The following BDH1 variants were observed in gnomAD, a reference collection of about 807,000 sequenced individuals.
BDH1 encodes the protein 3-hydroxybutyrate dehydrogenase 1.
In BDH1, 30 loss-of-function variants were observed where a neutral mutation model predicts 33.1. That is an observed-to-expected ratio of 0.91 (90% confidence interval 0.68 to 1.23). The LOEUF (loss-of-function observed/expected upper bound fraction) is 1.23, where lower values mean the gene tolerates loss of function less well. Ranked by LOEUF, BDH1 falls within the 50% of genes most tolerant of loss-of-function variation. The probability of loss-of-function intolerance (pLI) is 0.00; values close to 1 mark genes in which losing one functional copy is unlikely to be tolerated. For synonymous variants in BDH1, 190 were observed against 183.6 expected, an observed-to-expected ratio of 1.03 and a Z score of -0.28; for missense variants, 443 against 464.4, an observed-to-expected ratio of 0.95 and a Z score of 0.42.
chr3:197,535,855 G>A (rs1333261834), intron 3 of BDH1, among the ~76,000 whole-genome samples: 2 of 151,932 alleles, frequency 1.3e-5, no homozygotes, highest in African/African-American at 4.8e-5. Flanking sequence ...GAACAGCCCG[G>A]GCAACATGGC....
chr3:197,513,577 G>T (rs931375230), intron 7 of BDH1, among the ~76,000 whole-genome samples: 9 of 152,238 alleles, frequency 5.9e-5, no homozygotes, highest in African/African-American at 2.2e-4. Context: ...CCATCCTGGG[G>T]GAGGCACCTT....
At chr3:197,572,351 ATAGAT>A (rs1465088062) in intron 1 of BDH1, among the ~76,000 whole-genome samples, 5 of 152,222 alleles carry the variant, frequency 3.3e-5, no homozygotes, top group African/African-American at 4.8e-5. Flanking sequence ...GATCTTAGTT[ATAGAT>A]TAGAAGAAGT....
At chr3:197,548,071 G>A (rs967280420) in intron 2 of BDH1, among the ~76,000 whole-genome samples, 2 of 152,242 alleles carry the variant, frequency 1.3e-5, no homozygotes, top group African/African-American at 2.4e-5. Context: ...CGAGCCTGAC[G>A]CAAAGGAGGC....
At chr3:197,542,761 A>ATCCGCCCGCCTCAGCCTCCCAAAG (rs1715761050) in intron 3 of BDH1, among the ~76,000 whole-genome samples, 1 of 151,818 alleles carries the variant, frequency 6.6e-6, no homozygotes, top group South Asian at 2.1e-4. Context: ...ACCTCAGGTG[A>ATCCGCCCGCCTCAGCCTCCCAAAG]TCCGCCCGCC....
At chr3:197,537,969 A>T (rs1464803457) in intron 3 of BDH1, among the ~76,000 whole-genome samples, 3 of 152,168 alleles carry the variant, frequency 2.0e-5, no homozygotes, top group Non-Finnish European at 2.9e-5. Flanking sequence ...TTCAACTCCA[A>T]GTCTGGGACA....
In BDH1 at chr3:197,533,237, A is replaced by AC. The variant is rs1432868931; in HGVS notation, c.156+251dup. Among the ~76,000 whole-genome samples, 5 of 148,644 alleles carry AC rather than the reference A, an allele frequency of 3.4e-5. 1 individual carries two copies. Among genetic ancestry groups the AC allele is most frequent in the East Asian group, 3.9e-4 (2 of 5,100 alleles). The stretch of plus-strand genomic sequence containing the variant: ...GTGGGGCTGGGAGTTCTCGCCCCCC[A>AC]CCTAGGCCTCCAGTGATACCTTCCT... On this transcript the variant is annotated intron_variant, in intron 4 of 7. Transcript: ENST00000392379.
At position 197,525,993 on chromosome 3, in the gene BDH1, G is replaced by A. The variant is rs115250049; in HGVS notation, c.268-3212C>T. ...GCTTTTAGTTCCGCTGTGTTGGTGC[G>A]TGTGCAACTGGCTTATTGATAAACC... On this transcript the variant is annotated intron_variant, in intron 5 of 7. Coordinates refer to ENST00000392379, the MANE Select transcript of BDH1 (RefSeq NM_203314.3). The surrounding 1 kb of genome is among the most constrained non-coding windows in gnomAD (Gnocchi z 4.9). Among the ~76,000 whole-genome samples, 2,279 of 152,302 alleles carry A rather than the reference G, an allele frequency of 0.015. 56 individuals carry two copies. The highest frequency in any genetic ancestry group is 0.052 in the African/African-American group (2,161 of 41,564).
intron 1 of BDH1, among the ~76,000 whole-genome samples, chr3:197,572,101 T>C (rs944302071): frequency 2.0e-5 from 3 of 152,082 alleles, no homozygotes; most frequent in Non-Finnish European, 2.9e-5. Context: ...TCCTGGGCCT[T>C]AAAGCATGAC....
intron 1 of BDH1, among the ~76,000 whole-genome samples, chr3:197,570,194 T>C (rs905982231): frequency 2.6e-5 from 4 of 152,220 alleles, no homozygotes; most frequent in African/African-American, 9.6e-5. Flanking sequence ...GTTTAGGATA[T>C]CTGGCAGAAG....
chr3:197,560,843 C>G (rs1387080951), upstream of BDH1, among the ~76,000 whole-genome samples: 1 of 152,208 alleles, frequency 6.6e-6, no homozygotes, highest in African/African-American at 2.4e-5. Flanking sequence ...TGATTGCCTT[C>G]TTTGGAAAGG....
chr3:197,530,048 C>T (rs185098591), intron 5 of BDH1: 2 of 152,130 alleles, frequency 1.3e-5, no homozygotes, highest in African/African-American at 4.8e-5. Flanking sequence ...TAAGTTCTGG[C>T]CAAGAGAATG....
Position 197,512,356 on chromosome 3 carries a change from C to A in BDH1, c.571G>T (p.Val191Phe). ...PLIRRAKGRV[V>F]NISSMLGRMA... Reference sequence around the variant, plus strand: ...CGGCCCAGCATGCTGCTGATATTGACGACGCGGCCTACAGAGGGAGACAGA... The same window carrying A: ...CGGCCCAGCATGCTGCTGATATTGAAGACGCGGCCTACAGAGGGAGACAGA... Residue 191 changes from valine (V) to phenylalanine (F), a missense_variant, in exon 8 of 8, where the codon GTC (valine) becomes TTC (phenylalanine). By Grantham distance (50) the Val-to-Phe change is conservative. Transcript: ENST00000392379. 6.2e-7 allele frequency: 1 copy of A among 1,603,862 alleles called. No individual in the cohort carries two copies. Among genetic ancestry groups the A allele is most frequent in the Non-Finnish European group, 8.5e-7 (1 of 1,177,554 alleles).
intron 5 of BDH1, among the ~76,000 whole-genome samples, chr3:197,531,432 T>TATATATGTGTATATATATATATAC (rs1560320081): frequency 2.7e-5 from 4 of 146,678 alleles, no homozygotes; most frequent in African/African-American, 1.0e-4. Context: ...TATATATATA[T>TATATATGTGTATATATATATATAC]ATATGTGTAT....
At chr3:197,519,379 G>T (rs1456339720) in intron 6 of BDH1, among the ~76,000 whole-genome samples, 1 of 152,034 alleles carries the variant, frequency 6.6e-6, no homozygotes. Context: ...GTGAAGCCCA[G>T]GTCAGGCGTG....
intron 3 of BDH1, among the ~76,000 whole-genome samples, chr3:197,535,521 G>A (rs575774487): frequency 2.6e-5 from 4 of 152,292 alleles, no homozygotes; most frequent in East Asian, 3.9e-4. Flanking sequence ...CAGTGTCCTC[G>A]TCTACAATCA....
rs377001473 is a variant in BDH1, at chr3:197,533,236, C to CT, written c.156+252_156+253insA. Reference sequence around the variant, plus strand: ...GGTGGGGCTGGGAGTTCTCGCCCCCCACCTAGGCCTCCAGTGATACCTTCC... The same window carrying CT: ...GGTGGGGCTGGGAGTTCTCGCCCCCCTACCTAGGCCTCCAGTGATACCTTCC... On this transcript the variant is annotated intron_variant, in intron 4 of 7. Coordinates refer to ENST00000392379, the MANE Select transcript of BDH1 (RefSeq NM_203314.3). Among the ~76,000 whole-genome samples the CT allele has an allele frequency of 7.9e-5, 12 of 151,986 alleles. No homozygotes were observed. In the South Asian group the frequency reaches 8.3e-4, roughly 11 times the overall value.
chr3:197,566,691 T>G (rs1717444685), intron 1 of BDH1, among the ~76,000 whole-genome samples: 1 of 152,230 alleles, frequency 6.6e-6, no homozygotes, highest in African/African-American at 2.4e-5. Context: ...ACATTATGAT[T>G]CAAAACTATA....
rs1471979903 is a variant in BDH1 at position 197,521,869 on chromosome 3, CAG to C, written c.409+769_409+770del. Among the ~76,000 whole-genome samples the C allele has an allele frequency of 6.6e-6, 1 of 152,220 alleles. No individual in the cohort carries two copies. Among genetic ancestry groups the C allele is most frequent in the Non-Finnish European group, 1.5e-5 (1 of 68,042 alleles). ...ACCTTCACATTGCCACTGCCATCCT[CAG>C]AGGGAGATTCACAAGTCTCACAATG... On this transcript the variant is annotated intron_variant, in intron 6 of 7. Transcript: ENST00000392379. This position sits in a 1 kb window ranked among gnomAD's most constrained non-coding sequence, Gnocchi z 4.9.
At chr3:197,570,961 A>G (rs911496482) in intron 1 of BDH1, among the ~76,000 whole-genome samples, 1 of 152,232 alleles carries the variant, frequency 6.6e-6, no homozygotes, top group Non-Finnish European at 1.5e-5. Flanking sequence ...ATGCCAGCCC[A>G]TGATAGCAGC....
Sources: gnomAD v4.1 joint callset for allele counts (sites outside exome capture counted in the v4.1 genomes callset) on GRCh38, gnomAD v4.1.1 for gene constraint, Gnocchi (gnomAD v3.1) non-coding constraint, MANE v1.5 for transcripts, NCBI Gene and HGNC (gene_info 2026-07-23, HGNC 2026-07-21) for gene names.